PCSK2: variants seen among roughly 807,000 people sequenced by gnomAD.
PCSK2 encodes the protein proprotein convertase subtilisin/kexin type 2.
A neutral mutation model predicts 69.7 loss-of-function variants in PCSK2; 14 were observed. The observed-to-expected ratio is 0.20, with a 90% confidence interval of 0.13 to 0.31. The LOEUF (loss-of-function observed/expected upper bound fraction) is 0.31. Among genes scored for constraint, PCSK2 ranks in the 10% least tolerant of loss-of-function variants. The probability of loss-of-function intolerance (pLI) is 1.00; values close to 1 mark genes in which losing one functional copy is unlikely to be tolerated. For synonymous variants in PCSK2, 307 were observed against 320.7 expected (o/e 0.96, Z 0.46); for missense variants, 544 against 842.5 (o/e 0.65, Z 4.39).
rs542580241 is a variant in PCSK2, at chr20:17,245,162, G to T, written c.178-15078G>T. 5.9e-5 allele frequency among the ~76,000 whole-genome samples: 9 copies of T among 152,298 alleles called. No individual in the cohort carries two copies. In the East Asian group the frequency reaches 1.7e-3, roughly 29 times the overall value. On this transcript the variant is annotated intron_variant, in intron 1 of 11. Transcript: ENST00000262545. ...TTCTCACCCTCAGAGTCTCTGCAAA[G>T]TGAGACATAGTGCTAGATACACGTG...
At chr20:17,249,661 C>T (rs923419964) in intron 1 of PCSK2, among the ~76,000 whole-genome samples, 2 of 151,954 alleles carry the variant, frequency 1.3e-5, no homozygotes. Context: ...AATATTTAAC[C>T]GTAAAAAGGA....
intron 2 of PCSK2, among the ~76,000 whole-genome samples, chr20:17,347,888 G>GAGGAGAGAGAAA (rs1990711076): frequency 2.3e-4 from 1 of 4,284 alleles, no homozygotes; most frequent in Non-Finnish European, 8.8e-4. Flanking sequence ...AAGAAAGAAA[G>GAGGAGAGAGAAA]AAAGAAAGAA....
chr20:17,241,272 T>G (rs781024833), intron 1 of PCSK2, among the ~76,000 whole-genome samples: 1 of 152,156 alleles, frequency 6.6e-6, no homozygotes, highest in Non-Finnish European at 1.5e-5. Flanking sequence ...GGGCACGGTT[T>G]TTCGGAGGAT....
intron 11 of PCSK2, among the ~76,000 whole-genome samples, chr20:17,467,779 A>G: frequency 6.6e-6 from 1 of 152,298 alleles, no homozygotes; most frequent in South Asian, 2.1e-4. Context: ...CTTTAGCAAC[A>G]CACAAGTCTA....
chr20:17,459,516 T>G (rs2032978670), intron 10 of PCSK2, among the ~76,000 whole-genome samples: 2 of 152,198 alleles, frequency 1.3e-5, no homozygotes, highest in South Asian at 4.1e-4. Flanking sequence ...GAAGTGGGTG[T>G]ACCCATTGAC....
Position 17,271,577 on chromosome 20 carries a change from A to G in PCSK2, c.282+11233A>G, listed in dbSNP as rs375704641. Among the ~76,000 whole-genome samples, 16 of 151,992 alleles carry G rather than the reference A, an allele frequency of 1.1e-4. No homozygotes were observed. In the East Asian group the frequency reaches 2.7e-3, roughly 26 times the overall value. On this transcript the variant is annotated intron_variant, in intron 2 of 11. Transcript: ENST00000262545. ...AAGCAAGAGAATAAACGGCAAAATGATCTTCTCCTCTGTGTGAGGAACACA... is the reference window on the plus strand; with the variant it reads ...AAGCAAGAGAATAAACGGCAAAATGGTCTTCTCCTCTGTGTGAGGAACACA...
At chr20:17,234,874 A>G (rs184038133) in intron 1 of PCSK2, among the ~76,000 whole-genome samples, 20 of 152,350 alleles carry the variant, frequency 1.3e-4, no homozygotes, top group African/African-American at 3.8e-4. Context: ...TTGAGTTCAG[A>G]TCCAACGTTT....
intron 2 of PCSK2, among the ~76,000 whole-genome samples, chr20:17,352,375 G>C (rs1331431931): frequency 6.6e-6 from 1 of 152,162 alleles, no homozygotes; most frequent in Non-Finnish European, 1.5e-5. Context: ...AAACCAAAAA[G>C]AGCCCGAATA....
chr20:17,413,054 C>T (rs2031913998), intron 6 of PCSK2, among the ~76,000 whole-genome samples: 1 of 152,180 alleles, frequency 6.6e-6, no homozygotes. Flanking sequence ...AAAGGAACAA[C>T]CAGTACCAGC....
intron 8 of PCSK2, among the ~76,000 whole-genome samples, chr20:17,450,336 G>C (rs2032799562): frequency 6.6e-6 from 1 of 152,100 alleles, no homozygotes. Flanking sequence ...CTCTTCCTAA[G>C]TATTTTATCC....
At chr20:17,452,107 C>T (rs569695568) in intron 8 of PCSK2, among the ~76,000 whole-genome samples, 2 of 151,738 alleles carry the variant, frequency 1.3e-5, no homozygotes, top group South Asian at 2.1e-4. Context: ...CTCGAACTCC[C>T]GACCCCAGGT....
intron 9 of PCSK2, 130 bp downstream of exon 9, chr20:17,454,087 A>G: frequency 7.7e-7 from 1 of 1,303,884 alleles, no homozygotes; most frequent in Non-Finnish European, 1.0e-6. Context: ...CTCTGAAGGG[A>G]AGACCCCTTT....
At chr20:17,471,900 G>A (rs1490849062) in intron 11 of PCSK2, among the ~76,000 whole-genome samples, 2 of 152,356 alleles carry the variant, frequency 1.3e-5, no homozygotes, top group African/African-American at 2.4e-5. Context: ...TAATGTGCAG[G>A]GCTGCACAGA....
At chr20:17,260,203 A>G in intron 1 of PCSK2, 37 bp from the exon 2 acceptor site, 1 of 1,375,550 alleles carries the variant, frequency 7.3e-7, no homozygotes, top group Non-Finnish European at 1.0e-6. Flanking sequence ...CCAACCCCAG[A>G]AGCTAACTAT....
chr20:17,333,447 C>T (rs540326269), intron 2 of PCSK2, among the ~76,000 whole-genome samples: 1 of 152,244 alleles, frequency 6.6e-6, no homozygotes, highest in South Asian at 2.1e-4. Context: ...TAACTTTCCT[C>T]CCTCCAAAGG....
intron 5 of PCSK2, among the ~76,000 whole-genome samples, chr20:17,378,593 ATG>A (rs1568625073): frequency 6.6e-5 from 5 of 75,378 alleles, no homozygotes; most frequent in African/African-American, 4.5e-4. Flanking sequence ...GGATGGACGG[ATG>A]GATGGATGGA....
intron 2 of PCSK2, among the ~76,000 whole-genome samples, chr20:17,343,591 C>A (rs1990568593): frequency 6.6e-6 from 1 of 152,206 alleles, no homozygotes; most frequent in African/African-American, 2.4e-5. Flanking sequence ...ATATGTTATG[C>A]CACATGGCAA....
chr20:17,267,820 T>C (rs1417168128), intron 2 of PCSK2, among the ~76,000 whole-genome samples: 1 of 152,016 alleles, frequency 6.6e-6, no homozygotes, highest in Non-Finnish European at 1.5e-5. Flanking sequence ...AGCCCTGGTA[T>C]AGAGAAAAGT....
At chr20:17,378,586 TGGAC>T (rs1202361766) in intron 5 of PCSK2, among the ~76,000 whole-genome samples, 6 of 140,508 alleles carry the variant, frequency 4.3e-5, no homozygotes, top group African/African-American at 1.1e-4. Context: ...TATGGATGGA[TGGAC>T]GGATGGATGG....
Sources: gnomAD v4.1 joint callset for allele counts (sites outside exome capture counted in the v4.1 genomes callset) on GRCh38, gnomAD v4.1.1 for gene constraint, MANE v1.5 for transcripts, NCBI Gene and HGNC (gene_info 2026-07-23, HGNC 2026-07-21) for gene names.